The following PADI4 variants were observed in gnomAD, a reference collection of about 807,000 sequenced individuals.
PADI4 encodes peptidyl arginine deiminase 4, also known as protein-arginine deiminase type-4.
A neutral mutation model predicts 75.0 loss-of-function variants in PADI4; 62 were observed. The observed-to-expected ratio is 0.83, with a 90% CI of 0.67 to 1.02. PADI4 has a LOEUF of 1.02. Among genes scored for constraint, PADI4 ranks in the 50% least tolerant of loss-of-function variants. The pLI, the probability that PADI4 is intolerant of heterozygous loss-of-function variation, is 0.00. For missense variants in PADI4, 845 were observed against 850.5 expected (o/e 0.99, Z 0.08); for synonymous variants, 361 against 348.1 (o/e 1.04, Z -0.41).
At chr1:17,325,798 T>A (rs1196111822) in intron 1 of PADI4, among the ~76,000 whole-genome samples, 1 of 151,986 alleles carries the variant, frequency 6.6e-6, no homozygotes, top group Non-Finnish European at 1.5e-5. Flanking sequence ...AACCTCTGCC[T>A]CCCAGGTTCA....
At chr1:17,331,796 T>C (rs569621391) in intron 2 of PADI4, among the ~76,000 whole-genome samples, 5 of 152,264 alleles carry the variant, frequency 3.3e-5, no homozygotes, top group Non-Finnish European at 7.4e-5. Flanking sequence ...CGAGCGCCTG[T>C]AATCCCAGCT....
chr1:17,345,703 T>C (rs1195625754), intron 8 of PADI4, among the ~76,000 whole-genome samples: 2 of 152,234 alleles, frequency 1.3e-5, no homozygotes, highest in African/African-American at 4.8e-5. Context: ...GAAGTGCCTT[T>C]TGCCTCCCAC....
chr1:17,342,107 GAC>G lies in PADI4; in HGVS notation c.820_821del (p.Thr274ValfsTer41). ...CATTACCCTCACCATCTCCCTGCTG[GAC>G]ACGTCCAACCTGGTAGGCCGAGAAG... Reference protein sequence around the residue: ...GLITLTISLLDTSNLELPEAV... With the variant: ...GLITLTISLLXTSNLELPEAV... On this transcript the variant is annotated frameshift_variant, in exon 7 of 16. Transcript: ENST00000375448. LOFTEE classifies it high-confidence loss of function. 2 of 1,613,974 alleles carry G rather than the reference GAC, an allele frequency of 1.2e-6. No individual in the cohort carries two copies. The highest frequency in any genetic ancestry group is 1.7e-6 in the Non-Finnish European group (2 of 1,179,982).
intron 11 of PADI4, among the ~76,000 whole-genome samples, chr1:17,355,108 A>G (rs765784745): frequency 6.6e-6 from 1 of 152,210 alleles, no homozygotes; most frequent in Admixed American, 6.5e-5. Flanking sequence ...TCTCTGGGGA[A>G]GGGGCTTTTG....
chr1:17,342,178 C>A, intron 7 of PADI4, 57 bp downstream of exon 7: 2 of 1,548,222 alleles, frequency 1.3e-6, no homozygotes, highest in Non-Finnish European at 1.8e-6. Flanking sequence ...AGTGGCCTGG[C>A]TAGGGAAAGG....
intron 10 of PADI4, among the ~76,000 whole-genome samples, chr1:17,352,034 GGGAGGAGAGGCA>G (rs2074653401): frequency 1.5e-4 from 7 of 46,628 alleles, no homozygotes; most frequent in African/African-American, 7.5e-4. Flanking sequence ...GGGAGGTGAT[GGGAGGAGAGGCA>G]GTCAGGGAGG....
chr1:17,336,412 A>T (rs1748031), intron 4 of PADI4, among the ~76,000 whole-genome samples, 186 bp downstream of exon 4: 98,663 of 152,146 alleles, frequency 0.65, 32,147 homozygotes, highest in Non-Finnish European at 0.67. Flanking sequence ...CAAAATCAGA[A>T]TTTCACCAAT....
chr1:17,338,198 G>T, intron 5 of PADI4, 43 bp downstream of exon 5: 1 of 1,264,170 alleles, frequency 7.9e-7, no homozygotes, highest in Non-Finnish European at 1.2e-6. Flanking sequence ...TTTTTATAAA[G>T]CCCTTTTGCC....
Position 17,348,042 on chromosome 1 carries a change from C to T in PADI4, c.1149C>T (p.Arg383=). The change falls in exon 10 of 16, where the codon CGC becomes CGT. Residue 383 remains arginine (R), a synonymous_variant. Coordinates refer to ENST00000375448, the MANE Select transcript of PADI4 (RefSeq NM_012387.3). ...GCCTGAAGGAGTTTCCCATCAAACG[C>T]GTGATGGTACCTGCATGGGGTGGGG... ...NRGLKEFPIK[R]VMGPDFGYVT... is the part of the protein sequence containing the mutation. The T allele has an allele frequency of 1.3e-6, 2 of 1,593,556 alleles. No homozygotes were observed. The highest frequency in any genetic ancestry group is 1.3e-5 in the African/African-American group (1 of 74,508).
At chr1:17,331,174 C>T in intron 2 of PADI4, 25 bp downstream of exon 2, 2 of 1,595,144 alleles carry the variant, frequency 1.3e-6, no homozygotes, top group Non-Finnish European at 1.7e-6. Flanking sequence ...TGTGGGGTGG[C>T]AGTGTGGATG....
At chr1:17,331,785 G>T (rs560956153) in intron 2 of PADI4, among the ~76,000 whole-genome samples, 1 of 152,264 alleles carries the variant, frequency 6.6e-6, no homozygotes, top group East Asian at 1.9e-4. Flanking sequence ...GGGCGTAGTG[G>T]CGAGCGCCTG....
At chr1:17,331,787 G>A (rs529996880) in intron 2 of PADI4, among the ~76,000 whole-genome samples, 8 of 152,212 alleles carry the variant, frequency 5.3e-5, no homozygotes, top group South Asian at 2.1e-4. Flanking sequence ...GCGTAGTGGC[G>A]AGCGCCTGTA....
chr1:17,338,207 C>A, intron 5 of PADI4, 52 bp downstream of exon 5: 1 of 1,128,790 alleles, frequency 8.9e-7, no homozygotes, highest in African/African-American at 1.5e-5. Context: ...AGCCCTTTTG[C>A]CCACATAGCC....
Position 17,338,159 on chromosome 1 carries a change from A to G in PADI4, c.526+4A>G. On this transcript the variant is annotated splice_donor_region_variant and intron_variant, in intron 5 of 15. Coordinates refer to ENST00000375448, the MANE Select transcript of PADI4 (RefSeq NM_012387.3). ...GATGAAGTGCTTGACAGCGAAGGTA[A>G]AGAGCATTTGCTAGCTAACGGGAAG... is the stretch of plus-strand genomic sequence containing the variant. 1 of 1,585,192 alleles carries G rather than the reference A, an allele frequency of 6.3e-7. No individual in the cohort carries two copies. Among genetic ancestry groups the G allele is most frequent in the South Asian group, 1.1e-5 (1 of 90,512 alleles).
At chr1:17,336,031 C>T (rs1484294465) in intron 3 of PADI4, 128 bp from the exon 4 acceptor site, 2 of 657,436 alleles carry the variant, frequency 3.0e-6, no homozygotes, top group African/African-American at 1.8e-5. Context: ...CTCTGAAGGA[C>T]GGGAAGAGGG....
rs956705561 is a variant in PADI4 at position 17,363,508 on chromosome 1, T to C, written c.1759-14T>C. 2 of 1,592,256 alleles carry C rather than the reference T, an allele frequency of 1.3e-6. No homozygotes were observed. Among genetic ancestry groups the C allele is most frequent in the Non-Finnish European group, 1.7e-6 (2 of 1,161,760 alleles). On this transcript the variant is annotated splice_polypyrimidine_tract_variant and intron_variant, in intron 15 of 15. Coordinates refer to ENST00000375448, the MANE Select transcript of PADI4 (RefSeq NM_012387.3). ...CCGCTGCTGCCTGTGACCTGAACCC[T>C]CACTTCCCTGCAGGTGAACATGCTG...
intron 6 of PADI4, 27 bp from the exon 7 acceptor site, chr1:17,341,916 C>A (rs756898292): frequency 3.8e-6 from 6 of 1,594,710 alleles, no homozygotes; most frequent in East Asian, 4.5e-5. Context: ...GGGACGCAGA[C>A]CTGAGTCTCC....
chr1:17,316,122 A>G (rs2100659251), intron 1 of PADI4, among the ~76,000 whole-genome samples: 1 of 152,132 alleles, frequency 6.6e-6, no homozygotes, highest in East Asian at 1.9e-4. Context: ...GGCTGGATGC[A>G]GTGGCTCACG....
chr1:17,310,931 T>C (rs1313156117), intron 1 of PADI4, among the ~76,000 whole-genome samples: 1 of 152,108 alleles, frequency 6.6e-6, no homozygotes. Context: ...ACGCCGTCTC[T>C]ACTAAAAATA....
Sources: allele counts gnomAD v4.1 joint callset (sites outside exome capture counted in the v4.1 genomes callset), GRCh38; gene constraint gnomAD v4.1.1; transcripts MANE v1.5; gene names NCBI Gene and HGNC (gene_info 2026-07-23, HGNC 2026-07-21).